The following PFKFB2 variants were observed in gnomAD, a reference collection of about 807,000 sequenced individuals.
PFKFB2 encodes the protein 6-phosphofructo-2-kinase/fructose-2,6-biphosphatase 2.
A neutral mutation model predicts 68.0 loss-of-function variants in PFKFB2; 53 were observed. The observed-to-expected ratio is 0.78, with a 90% confidence interval of 0.63 to 0.98. The LOEUF (loss-of-function observed/expected upper bound fraction) is 0.98. PFKFB2 is among the 50% of genes least tolerant of loss of function. The probability of loss-of-function intolerance (pLI) is 0.00; values close to 1 mark genes in which losing one functional copy is unlikely to be tolerated. For synonymous variants in PFKFB2, 222 were observed against 227.6 expected (o/e 0.98, Z 0.22); for missense variants, 451 against 642.0 (o/e 0.70, Z 3.22).
At position 207,063,989 on chromosome 1, in the gene PFKFB2, T is replaced by C. The variant is rs1318332460; in HGVS notation, c.507+160T>C. 6.6e-6 allele frequency among the ~76,000 whole-genome samples: 1 copy of C among 152,046 alleles called. No homozygotes were observed. The highest frequency in any genetic ancestry group is 1.5e-5 in the Non-Finnish European group (1 of 68,008). On this transcript the variant is annotated intron_variant, in intron 7 of 14. Coordinates refer to ENST00000367080, the MANE Select transcript of PFKFB2 (RefSeq NM_006212.2). This position sits in a 1 kb window ranked among gnomAD's most constrained non-coding sequence, Gnocchi z 4.1. ...TAACATCACAAAGAGATCTTTTCTATCTGCCAGAGCCCCATCTGGTACTTC... is the reference window on the plus strand; with the variant it reads ...TAACATCACAAAGAGATCTTTTCTACCTGCCAGAGCCCCATCTGGTACTTC...
upstream of PFKFB2, chr1:207,049,009 T>C: frequency 6.2e-7 from 1 of 1,609,720 alleles, no homozygotes; most frequent in Admixed American, 1.7e-5. Context: ...CAACCCTCAT[T>C]CATGCATAGG....
chr1:207,037,428 A>G (rs1198251964), intron 1 of PFKFB2, among the ~76,000 whole-genome samples: 1 of 152,100 alleles, frequency 6.6e-6, no homozygotes, highest in Non-Finnish European at 1.5e-5. Context: ...CTTCCTCCCT[A>G]TATACACTCT....
At chr1:207,040,552 G>A (rs763218051) in intron 1 of PFKFB2, among the ~76,000 whole-genome samples, 4 of 151,388 alleles carry the variant, frequency 2.6e-5, no homozygotes, top group Admixed American at 6.6e-5. Context: ...TTCATTTTAT[G>A]AGGAAATCAT....
At chr1:207,036,879 C>G (rs1229722542) in intron 1 of PFKFB2, among the ~76,000 whole-genome samples, 1 of 152,230 alleles carries the variant, frequency 6.6e-6, no homozygotes, top group Non-Finnish European at 1.5e-5. Flanking sequence ...ACACATCCAA[C>G]TGCTTGTTAA....
chr1:207,057,576 C>T (rs1461594291), intron 2 of PFKFB2, among the ~76,000 whole-genome samples: 2 of 147,262 alleles, frequency 1.4e-5, no homozygotes, highest in Non-Finnish European at 3.0e-5. Flanking sequence ...ACAAATTCTT[C>T]CATGTACCTT....
chr1:207,079,110 T>A (rs1683703431), downstream of PFKFB2: 3 of 1,150,498 alleles, frequency 2.6e-6, no homozygotes, highest in South Asian at 3.7e-5. Flanking sequence ...GAACAGGAAG[T>A]TAAGTGGGAA....
At chr1:207,067,795 C>T (rs1683339389) in intron 9 of PFKFB2, 89 bp downstream of exon 9, 7 of 1,092,434 alleles carry the variant, frequency 6.4e-6, no homozygotes, top group Middle Eastern at 3.1e-4. Context: ...TTACTTAAAT[C>T]CCATTTGGAC....
At chr1:207,077,895 C>T (rs982674760), downstream of PFKFB2, 31 of 649,854 alleles carry the variant, frequency 4.8e-5, no homozygotes, top group African/African-American at 5.9e-4. Flanking sequence ...AACTTTGCCT[C>T]ATGCTGCACA....
chr1:207,074,304 T>G lies in PFKFB2; in HGVS notation c.*1933T>G, dbSNP rs763394321. ...TTGATGTTTGAGCAGATCATAATGTTAAATGATATAACCCCCTGGAAGGCA... is the reference window on the plus strand; with the variant it reads ...TTGATGTTTGAGCAGATCATAATGTGAAATGATATAACCCCCTGGAAGGCA... On this transcript the variant is annotated 3_prime_UTR_variant, in exon 15 of 15. Transcript: ENST00000367080. 4.1e-6 allele frequency: 4 copies of G among 985,462 alleles called. No individual in the cohort carries two copies. Among genetic ancestry groups the G allele is most frequent in the Non-Finnish European group, 4.8e-6 (4 of 829,930 alleles). 61.0% of individuals were successfully genotyped at this position (985,462 alleles called of 1,614,324 possible).
intron 2 of PFKFB2, 46 bp from the exon 3 acceptor site, chr1:207,061,907 C>A: frequency 6.5e-7 from 1 of 1,542,238 alleles, no homozygotes; most frequent in Non-Finnish European, 9.0e-7. Flanking sequence ...AAAAACCTTA[C>A]TAGGACTCTA....
Position 207,074,231 on chromosome 1 carries a change from C to T in PFKFB2, c.*1860C>T. On this transcript the variant is annotated 3_prime_UTR_variant, in exon 15 of 15. Coordinates refer to ENST00000367080, the MANE Select transcript of PFKFB2 (RefSeq NM_006212.2). ...TAGTTTCTCAGACAAAAGTGTCAGC[C>T]TAGGAATTCTGAATTCCTCATAGTC... is the stretch of plus-strand genomic sequence containing the variant. The T allele has an allele frequency of 1.0e-6, 1 of 985,002 alleles. No homozygotes were observed. The highest frequency in any genetic ancestry group is 1.2e-6 in the Non-Finnish European group (1 of 829,560). 61.0% of individuals were successfully genotyped at this position (985,002 alleles called of 1,614,324 possible).
chr1:207,049,747 G>T (rs766907817), upstream of PFKFB2: 3 of 1,579,110 alleles, frequency 1.9e-6, no homozygotes, highest in South Asian at 1.2e-5. Context: ...AACAAATCCC[G>T]ATCTGCAAAG....
upstream of PFKFB2, chr1:207,049,003 C>T (rs775429737): frequency 1.9e-6 from 3 of 1,605,464 alleles, no homozygotes; most frequent in Non-Finnish European, 1.7e-6. Flanking sequence ...AGGCTTCAAC[C>T]CTCATTCATG....
Position 207,070,604 on chromosome 1 carries a change from C to T in PFKFB2, c.1222+195C>T. 1.8e-6 allele frequency: 1 copy of T among 564,548 alleles called. No homozygotes were observed. Among genetic ancestry groups the T allele is most frequent in the South Asian group, 2.0e-5 (1 of 50,060 alleles). The allele number at this position is 564,548 out of a possible 1,614,324, so 35.0% of individuals were successfully genotyped here. A position where few individuals can be genotyped will look rare whatever the true frequency, so the allele number is the denominator to read the frequency against. On this transcript the variant is annotated intron_variant, in intron 12 of 14. Coordinates refer to ENST00000367080, the MANE Select transcript of PFKFB2 (RefSeq NM_006212.2). This position sits in a 1 kb window ranked among gnomAD's most constrained non-coding sequence, Gnocchi z 4.2. ...TTCACTCTGCTGCTACGAAAGCTTCCAATGGAGAGTGGCTGCTGCTGGTGC... is the reference window on the plus strand; with the variant it reads ...TTCACTCTGCTGCTACGAAAGCTTCTAATGGAGAGTGGCTGCTGCTGGTGC...
chr1:207,048,989 T>C (rs1432766372), upstream of PFKFB2: 2 of 1,582,976 alleles, frequency 1.3e-6, no homozygotes, highest in Non-Finnish European at 1.7e-6. Flanking sequence ...ATGTGTGAGG[T>C]AGTAGGCTTC....
In PFKFB2 at chr1:207,070,021, C is replaced by CA. The variant is rs34296817; in HGVS notation, c.1093-258dup. On this transcript the variant is annotated intron_variant, in intron 11 of 14. Coordinates refer to ENST00000367080, the MANE Select transcript of PFKFB2 (RefSeq NM_006212.2). This position sits in a 1 kb window ranked among gnomAD's most constrained non-coding sequence, Gnocchi z 4.2. ...TATTAATCTGTGGGAAGAAAAAACA[C>CA]ACACACACAGGTTGAACTCACACTT... is the stretch of plus-strand genomic sequence containing the variant. 0.39 allele frequency among the ~76,000 whole-genome samples: 59,727 copies of CA among 152,024 alleles called. 13,978 individuals carry two copies. Among genetic ancestry groups the CA allele is most frequent in the East Asian group, 0.75 (3,865 of 5,172 alleles).
rs1246579473 is a variant in PFKFB2, at chr1:207,073,796, T to C, written c.*1425T>C. ...TGATGACCATGATGGCTTATTCTCT[T>C]TCCCAATTTTGCATGCAAAATGTAC... On this transcript the variant is annotated 3_prime_UTR_variant, in exon 15 of 15. Coordinates refer to ENST00000367080, the MANE Select transcript of PFKFB2 (RefSeq NM_006212.2). 1.0e-6 allele frequency: 1 copy of C among 985,256 alleles called. No homozygotes were observed. The highest frequency in any genetic ancestry group is 1.2e-6 in the Non-Finnish European group (1 of 829,860). 61.0% of individuals were successfully genotyped at this position (985,256 alleles called of 1,614,324 possible). A position where few individuals can be genotyped will look rare whatever the true frequency, so the allele number is the denominator to read the frequency against.
chr1:207,072,730 C>T lies in PFKFB2; in HGVS notation c.*359C>T. 1 of 1,026,538 alleles carries T rather than the reference C, an allele frequency of 9.7e-7. No individual in the cohort carries two copies. Among genetic ancestry groups the T allele is most frequent in the African/African-American group, 1.7e-5 (1 of 58,840 alleles). 63.6% of individuals were successfully genotyped at this position (1,026,538 alleles called of 1,614,324 possible). On this transcript the variant is annotated 3_prime_UTR_variant, in exon 15 of 15. Transcript: ENST00000367080. ...GTTCCCTGGTGTCTTCACTAATGTC[C>T]TCATGTTGGTGAAGTGTTGGGGGAT...
At chr1:207,048,828 T>C (rs184740839), upstream of PFKFB2, 4 of 600,202 alleles carry the variant, frequency 6.7e-6, no homozygotes, top group Admixed American at 3.1e-5. Flanking sequence ...TTTACCACTG[T>C]AGACACACAT....
Sources: allele counts gnomAD v4.1 joint callset (sites outside exome capture counted in the v4.1 genomes callset), GRCh38; gene constraint gnomAD v4.1.1; non-coding constraint Gnocchi (gnomAD v3.1); transcripts MANE v1.5; gene names NCBI Gene and HGNC (gene_info 2026-07-23, HGNC 2026-07-21).